The following SH2D4B variants were observed in gnomAD, a reference collection of about 807,000 sequenced individuals.
SH2D4B encodes the protein SH2 domain containing 4B.
A neutral mutation model predicts 61.5 loss-of-function variants in SH2D4B; 45 were observed. The observed-to-expected ratio is 0.73, with a 90% CI of 0.58 to 0.94. SH2D4B has a LOEUF of 0.94. SH2D4B is among the 40% of genes least tolerant of loss of function. The pLI, the probability that SH2D4B is intolerant of heterozygous loss-of-function variation, is 0.00. For synonymous variants in SH2D4B, 224 were observed against 220.4 expected, an observed-to-expected ratio of 1.02 and a Z score of -0.14; for missense variants, 572 against 574.2, an observed-to-expected ratio of 1.00 and a Z score of 0.04.
At chr10:80,548,114 T>G (rs560619281) in intron 1 of SH2D4B, among the ~76,000 whole-genome samples, 1 of 152,334 alleles carries the variant, frequency 6.6e-6, no homozygotes, top group South Asian at 2.1e-4. Flanking sequence ...ACCCAAGGGA[T>G]GCTCCCTTAG....
intron 5 of SH2D4B, among the ~76,000 whole-genome samples, chr10:80,605,139 C>G (rs928236707): frequency 4.0e-5 from 6 of 151,328 alleles, no homozygotes; most frequent in African/African-American, 1.5e-4. Flanking sequence ...TTTGCAGTTA[C>G]CGTCATGAAA....
chr10:80,600,746 T>C (rs746524294), intron 4 of SH2D4B, among the ~76,000 whole-genome samples: 3 of 152,098 alleles, frequency 2.0e-5, no homozygotes, highest in Non-Finnish European at 4.4e-5. Flanking sequence ...GACAAATGGC[T>C]CAAGGCCCCA....
rs1044747413 is a variant in SH2D4B at position 80,646,048 on chromosome 10, G to T, written c.*1963G>T. The T allele has an allele frequency of 1.3e-5, 2 of 152,464 alleles. No individual in the cohort carries two copies. The highest frequency in any genetic ancestry group is 4.8e-5 in the African/African-American group (2 of 41,408). The allele number at this position is 152,464 out of a possible 1,614,324, so 9.4% of individuals were successfully genotyped here. On this transcript the variant is annotated 3_prime_UTR_variant, in exon 8 of 8. Coordinates refer to ENST00000646907, the MANE Select transcript of SH2D4B (RefSeq NM_001388272.1). ...AAGTCATTTAACTTCAGTAAACCTCGGTATGACTGAAAAGGGAGTTTTCTG... is the reference window on the plus strand; with the variant it reads ...AAGTCATTTAACTTCAGTAAACCTCTGTATGACTGAAAAGGGAGTTTTCTG...
intron 3 of SH2D4B, among the ~76,000 whole-genome samples, chr10:80,586,741 C>G (rs1227999430): frequency 6.6e-6 from 1 of 152,194 alleles, no homozygotes. Context: ...CCCCTTGCCG[C>G]TGTGGAAGCT....
chr10:80,610,947 G>T (rs1203761359), intron 6 of SH2D4B, among the ~76,000 whole-genome samples: 3 of 151,972 alleles, frequency 2.0e-5, no homozygotes, highest in Non-Finnish European at 2.9e-5. Flanking sequence ...GAGGCAGGAG[G>T]ATCACTTGAG....
At chr10:80,561,440 A>G (rs544780420) in intron 1 of SH2D4B, among the ~76,000 whole-genome samples, 2 of 152,342 alleles carry the variant, frequency 1.3e-5, no homozygotes, top group South Asian at 4.1e-4. Flanking sequence ...TGCTTGACTC[A>G]ATGAACCAAT....
At chr10:80,614,221 G>C (rs1589358152) in intron 6 of SH2D4B, among the ~76,000 whole-genome samples, 1 of 152,336 alleles carries the variant, frequency 6.6e-6, no homozygotes, top group Non-Finnish European at 1.5e-5. Flanking sequence ...AGTTCTGCAG[G>C]CTGCACAGGA....
At position 80,644,909 on chromosome 10, in the gene SH2D4B, C is replaced by G. The variant is rs1840369979; in HGVS notation, c.*824C>G. 6.6e-6 allele frequency: 1 copy of G among 152,216 alleles called. No homozygotes were observed. The allele number at this position is 152,216 out of a possible 1,614,324, so 9.4% of individuals were successfully genotyped here. On this transcript the variant is annotated 3_prime_UTR_variant, in exon 8 of 8. Coordinates refer to ENST00000646907, the MANE Select transcript of SH2D4B (RefSeq NM_001388272.1). ...ATGCAGGTTACTCCAATGATTAGCT[C>G]TGTCCTCATTGTCCTTTTAATTCCC...
intron 7 of SH2D4B, among the ~76,000 whole-genome samples, chr10:80,638,367 G>C (rs1209328670): frequency 6.6e-6 from 1 of 152,212 alleles, no homozygotes; most frequent in Non-Finnish European, 1.5e-5. Flanking sequence ...AATGGAACCA[G>C]CTCCTCGTTG....
intron 5 of SH2D4B, among the ~76,000 whole-genome samples, chr10:80,605,362 T>G (rs1010603590): frequency 2.0e-5 from 3 of 152,182 alleles, no homozygotes; most frequent in African/African-American, 4.8e-5. Flanking sequence ...CTTTTCCTTA[T>G]TGAGTTCTAA....
intron 7 of SH2D4B, among the ~76,000 whole-genome samples, chr10:80,638,765 G>GT (rs1263388317): frequency 1.3e-5 from 2 of 152,106 alleles, no homozygotes; most frequent in East Asian, 1.9e-4. Context: ...TTTTTGAAGG[G>GT]TTTTTTGTGT....
chr10:80,587,391 T>G (rs1233583033), intron 3 of SH2D4B, among the ~76,000 whole-genome samples: 2 of 152,022 alleles, frequency 1.3e-5, no homozygotes, highest in Admixed American at 6.6e-5. Flanking sequence ...GCGATTCTCC[T>G]GCCTCAGCCT....
intron 3 of SH2D4B, among the ~76,000 whole-genome samples, chr10:80,583,854 G>A (rs2132126532): frequency 6.6e-6 from 1 of 152,260 alleles, no homozygotes; most frequent in African/African-American, 2.4e-5. Flanking sequence ...AGAGACTACA[G>A]ACTGAAAGTA....
chr10:80,628,529 G>A (rs569186820), intron 6 of SH2D4B, among the ~76,000 whole-genome samples: 16 of 152,228 alleles, frequency 1.1e-4, no homozygotes, highest in African/African-American at 3.4e-4. Context: ...GCATGAAAAC[G>A]GACTTATACA....
chr10:80,604,168 G>T (rs893793873), intron 5 of SH2D4B, among the ~76,000 whole-genome samples: 1 of 152,222 alleles, frequency 6.6e-6, no homozygotes, highest in African/African-American at 2.4e-5. Context: ...GATGGGTAAA[G>T]CATGGCCGGG....
chr10:80,609,357 C>A lies in SH2D4B; in HGVS notation c.861-67C>A, dbSNP rs539426844. ...TCCCTTCCTCTTTCCTTCCCCTCTGCCTTCCTCTCCCTCCGCTCTTTCTCC... is the reference window on the plus strand; with the variant it reads ...TCCCTTCCTCTTTCCTTCCCCTCTGACTTCCTCTCCCTCCGCTCTTTCTCC... On this transcript the variant is annotated intron_variant, in intron 5 of 7. Transcript: ENST00000646907. 187 of 1,534,128 alleles carry A rather than the reference C, an allele frequency of 1.2e-4. 3 individuals are homozygous for A. The South Asian group carries it at 2.1e-3, about 17-fold the overall frequency.
At chr10:80,574,323 G>T (rs537524554) in intron 3 of SH2D4B, among the ~76,000 whole-genome samples, 1 of 152,176 alleles carries the variant, frequency 6.6e-6, no homozygotes, top group East Asian at 1.9e-4. Context: ...TTTTTGTAGA[G>T]ACAGGATTTC....
At chr10:80,619,372 CT>C (rs1158868019) in intron 6 of SH2D4B, among the ~76,000 whole-genome samples, 4 of 152,210 alleles carry the variant, frequency 2.6e-5, no homozygotes, top group African/African-American at 9.7e-5. Context: ...ATCTCTGTCC[CT>C]GTGTCACAGC....
At chr10:80,568,244 G>A (rs893010466) in intron 1 of SH2D4B, among the ~76,000 whole-genome samples, 3 of 152,124 alleles carry the variant, frequency 2.0e-5, no homozygotes, top group African/African-American at 7.2e-5. Context: ...GTTTTATTAA[G>A]GGAAATGTCT....
Sources: gnomAD v4.1 joint callset for allele counts (sites outside exome capture counted in the v4.1 genomes callset) on GRCh38, gnomAD v4.1.1 for gene constraint, MANE v1.5 for transcripts, NCBI Gene and HGNC (gene_info 2026-07-23, HGNC 2026-07-21) for gene names.